Variants in WDR36 observed in about 807,000 individuals in gnomAD.
WDR36 encodes the protein WD repeat domain 36.
Under a neutral mutation model 112.7 loss-of-function variants are expected in WDR36, and 63 were observed. The observed-to-expected ratio is 0.56, with a 90% CI of 0.46 to 0.69. The LOEUF is 0.69. Among genes scored for constraint, WDR36 ranks in the 30% least tolerant of loss-of-function variants. WDR36 has a pLI of 0.00. For synonymous variants in WDR36, 410 were observed against 362.2 expected (o/e 1.13, Z -1.50); for missense variants, 1,226 against 1,070.3 (o/e 1.15, Z -2.03).
rs548305280 is a variant in WDR36, at chr5:111,124,093, T to A, written c.2269-15T>A. 165 of 1,611,800 alleles carry A rather than the reference T, an allele frequency of 1.0e-4. 2 individuals are homozygous for A. The South Asian group carries it at 1.6e-3, about 15-fold the overall frequency. On this transcript the variant is annotated splice_polypyrimidine_tract_variant and intron_variant, in intron 20 of 22. Transcript: ENST00000513710. ...CTTGAATTATTTGAATAATGTGTATTTGTTTTTGTTTAAGTCTAAAGTGGT... is the reference window on the plus strand; with the variant it reads ...CTTGAATTATTTGAATAATGTGTATATGTTTTTGTTTAAGTCTAAAGTGGT...
intron 6 of WDR36, 110 bp downstream of exon 6, chr5:111,102,509 GT>G: frequency 9.2e-7 from 1 of 1,083,720 alleles, no homozygotes; most frequent in Non-Finnish European, 1.4e-6. Flanking sequence ...ATATAGCTTA[GT>G]TTACCTTTAA....
chr5:111,113,667 G>C (rs1753394253), intron 16 of WDR36, among the ~76,000 whole-genome samples: 1 of 152,040 alleles, frequency 6.6e-6, no homozygotes, highest in Non-Finnish European at 1.5e-5. Flanking sequence ...TAAAGAAAAG[G>C]AGTTTATTTC....
chr5:111,110,355 G>A, intron 13 of WDR36, 52 bp downstream of exon 13: 1 of 1,407,610 alleles, frequency 7.1e-7, no homozygotes, highest in Non-Finnish European at 1.0e-6. Context: ...TACAAAACTA[G>A]TAGTGAAAGC....
intron 12 of WDR36, 57 bp from the exon 13 acceptor site, chr5:111,110,132 A>G: frequency 8.2e-7 from 1 of 1,226,726 alleles, no homozygotes; most frequent in Non-Finnish European, 1.2e-6. Flanking sequence ...TTTGGAAAGC[A>G]TAAAGTGCAA....
At chr5:111,126,314 T>C (rs1489786183) in intron 22 of WDR36, among the ~76,000 whole-genome samples, 1 of 152,182 alleles carries the variant, frequency 6.6e-6, no homozygotes, top group Admixed American at 6.6e-5. Context: ...ACAATAAGAC[T>C]GTTACTTTTA....
At chr5:111,100,856 C>G in intron 5 of WDR36, 135 bp downstream of exon 5, 1 of 814,446 alleles carries the variant, frequency 1.2e-6, no homozygotes, top group Non-Finnish European at 1.9e-6. Flanking sequence ...ACAGTTGGTC[C>G]CCTGTATCAG....
At chr5:111,120,365 T>C (rs1452309584) in intron 17 of WDR36, 131 bp from the exon 18 acceptor site, 1 of 730,692 alleles carries the variant, frequency 1.4e-6, no homozygotes, top group Non-Finnish European at 2.3e-6. Context: ...CGTTTTTAAA[T>C]TGATAACAAT....
In WDR36 at chr5:111,105,331, A is replaced by C. The variant is rs763320944; in HGVS notation, c.1064A>C (p.His355Pro). The C allele has an allele frequency of 6.2e-6, 10 of 1,610,164 alleles. No homozygotes were observed. Among genetic ancestry groups the C allele is most frequent in the Non-Finnish European group, 6.8e-6 (8 of 1,177,272 alleles). ...DGTLQSFSTV[H>P]EKFNKSLGHG... ...ACTCTTCAGTCATTTTCCACGGTACATGAAAAATTCAATAAGAGCTTGGGA... is the reference window on the plus strand; with the variant it reads ...ACTCTTCAGTCATTTTCCACGGTACCTGAAAAATTCAATAAGAGCTTGGGA... Residue 355 changes from histidine to proline, a missense_variant, in exon 10 of 23, where the codon CAT (histidine) becomes CCT (proline). Physicochemically the swap from His to Pro is moderately conservative, Grantham distance 77 (BLOSUM62 -2). Transcript: ENST00000513710.
intron 21 of WDR36, among the ~76,000 whole-genome samples, 158 bp from the exon 22 acceptor site, chr5:111,125,450 T>G (rs1183161550): frequency 6.6e-6 from 1 of 152,180 alleles, no homozygotes; most frequent in Admixed American, 6.5e-5. Context: ...TTCAATTATT[T>G]TGGGTTTCAT....
At chr5:111,114,848 T>G (rs952360527) in intron 16 of WDR36, among the ~76,000 whole-genome samples, 1 of 152,138 alleles carries the variant, frequency 6.6e-6, no homozygotes, top group Non-Finnish European at 1.5e-5. Flanking sequence ...TTTTTCATTT[T>G]CCTGTTTAAT....
At chr5:111,104,661 C>T (rs1327913893) in intron 8 of WDR36, 36 bp from the exon 9 acceptor site, 32 of 1,610,328 alleles carry the variant, frequency 2.0e-5, no homozygotes, top group Non-Finnish European at 2.7e-5. Flanking sequence ...TCAGATGGAA[C>T]ATTGTAGAAG....
chr5:111,113,061 T>C lies in WDR36; in HGVS notation c.1717-13T>C. The stretch of plus-strand genomic sequence containing the variant: ...ATATATATATATATATATTTTTTTT[T>C]TTTAATTTAAAGGCTTTTAGTCCTG... On this transcript the variant is annotated splice_polypyrimidine_tract_variant and intron_variant, in intron 15 of 22. Coordinates refer to ENST00000513710, the MANE Select transcript of WDR36 (RefSeq NM_139281.3). 2 of 1,019,138 alleles carry C rather than the reference T, an allele frequency of 2.0e-6. No individual in the cohort carries two copies. Among genetic ancestry groups the C allele is most frequent in the Middle Eastern group, 2.5e-4 (1 of 3,970 alleles). The allele number at this position is 1,019,138 out of a possible 1,614,324, so 63.1% of individuals were successfully genotyped here.
At position 111,120,593 on chromosome 5, in the gene WDR36, G is replaced by T. The variant is rs1180934390; in HGVS notation, c.2002G>T (p.Asp668Tyr). The stretch of plus-strand genomic sequence containing the variant: ...GCTTCCTGGTACTTGTCAAACCCAA[G>T]GTAATTAGAAAATTGCAAAGTAATT... ...VMLPGTCQTQDVEVSEETVEP... is the reference protein window; with the variant it reads ...VMLPGTCQTQYVEVSEETVEP... The change falls in exon 18 of 23, where the codon GAT becomes TAT. Residue 668 changes from aspartate to tyrosine, a missense_variant and splice_region_variant. Transcript: ENST00000513710. The T allele has an allele frequency of 3.1e-6, 5 of 1,608,518 alleles. No homozygotes were observed. Among genetic ancestry groups the T allele is most frequent in the Non-Finnish European group, 1.7e-6 (2 of 1,175,452 alleles).
At chr5:111,104,083 T>C in intron 7 of WDR36, 94 bp from the exon 8 acceptor site, 1 of 1,421,844 alleles carries the variant, frequency 7.0e-7, no homozygotes, top group Non-Finnish European at 9.6e-7. Flanking sequence ...AGTTTTTTTC[T>C]AACTTTATGG....
chr5:111,103,434 C>T (rs1238471285), intron 6 of WDR36, among the ~76,000 whole-genome samples: 1 of 151,682 alleles, frequency 6.6e-6, no homozygotes, highest in Non-Finnish European at 1.5e-5. Flanking sequence ...CTAGTTGTCT[C>T]CTTTTTCTGT....
intron 22 of WDR36, among the ~76,000 whole-genome samples, chr5:111,126,181 G>A (rs1435297151): frequency 6.6e-6 from 1 of 151,664 alleles, no homozygotes; most frequent in African/African-American, 2.4e-5. Flanking sequence ...TTTTTTAGTG[G>A]TTAGTTACAT....
Position 111,130,499 on chromosome 5 carries a change from A to G in WDR36, c.*3616A>G, listed in dbSNP as rs1291016791. The G allele has an allele frequency of 1.7e-5, 3 of 171,566 alleles. No individual in the cohort carries two copies. The highest frequency in any genetic ancestry group is 1.3e-5 in the Non-Finnish European group (1 of 79,042). 10.6% of individuals were successfully genotyped at this position (171,566 alleles called of 1,614,324 possible). ...TATGATATAATAAACACTTTTTGACATTCTGGGAGTTTTACTTTTGTTACT... is the reference window on the plus strand; with the variant it reads ...TATGATATAATAAACACTTTTTGACGTTCTGGGAGTTTTACTTTTGTTACT... On this transcript the variant is annotated 3_prime_UTR_variant, in exon 23 of 23. Coordinates refer to ENST00000513710, the MANE Select transcript of WDR36 (RefSeq NM_139281.3).
At chr5:111,096,695 C>T (rs942788638) in intron 2 of WDR36, among the ~76,000 whole-genome samples, 12 of 151,446 alleles carry the variant, frequency 7.9e-5, no homozygotes, top group Non-Finnish European at 1.8e-4. Flanking sequence ...CACAGCAAGA[C>T]TCCGTCTCTC....
Position 111,105,379 on chromosome 5 carries a change from A to G in WDR36, c.1093+19A>G. 6.2e-7 allele frequency: 1 copy of G among 1,602,744 alleles called. No homozygotes were observed. The highest frequency in any genetic ancestry group is 2.2e-5 in the East Asian group (1 of 44,624). The stretch of plus-strand genomic sequence containing the variant: ...GGACATGGTAGGTCCTCTACAAGAC[A>G]AAATAAGCTGGTCACGAAAGAAACA... On this transcript the variant is annotated intron_variant, in intron 10 of 22. Transcript: ENST00000513710.
Sources: gnomAD v4.1 joint callset for allele counts (sites outside exome capture counted in the v4.1 genomes callset) on GRCh38, gnomAD v4.1.1 for gene constraint, MANE v1.5 for transcripts, NCBI Gene and HGNC (gene_info 2026-07-23, HGNC 2026-07-21) for gene names.